Variants in RNF115 observed in about 807,000 individuals in gnomAD.
The protein encoded by RNF115 is E3 ubiquitin-protein ligase RNF115.
A neutral mutation model predicts 39.2 loss-of-function variants in RNF115; 31 were observed. The observed-to-expected ratio is 0.79, with a 90% CI of 0.59 to 1.07. The LOEUF (loss-of-function observed/expected upper bound fraction) is 1.07. RNF115 is among the 50% of genes least tolerant of loss of function. The pLI, the probability that RNF115 is intolerant of heterozygous loss-of-function variation, is 0.00. For synonymous variants in RNF115, 124 were observed against 131.0 expected, an observed-to-expected ratio of 0.95 and a Z score of 0.37; for missense variants, 384 against 381.7, an observed-to-expected ratio of 1.01 and a Z score of -0.05.
At chr1:145,792,255 A>G (rs1028919886) in intron 1 of RNF115, among the ~76,000 whole-genome samples, 1 of 152,048 alleles carries the variant, frequency 6.6e-6, no homozygotes, top group East Asian at 1.9e-4. Context: ...CTGAACCCTA[A>G]ATTTTGTTTT....
chr1:145,759,067 G>C (rs587718276), intron 4 of RNF115, among the ~76,000 whole-genome samples: 1 of 152,280 alleles, frequency 6.6e-6, no homozygotes, highest in South Asian at 2.1e-4. Flanking sequence ...ATAGTTTCCA[G>C]AGCTGTAGCC....
Position 145,751,481 on chromosome 1 carries a change from T to C in RNF115, c.530A>G (p.Asp177Gly), listed in dbSNP as rs1553712472. 1 of 1,597,454 alleles carries C rather than the reference T, an allele frequency of 6.3e-7. No homozygotes were observed. Among genetic ancestry groups the C allele is most frequent in the East Asian group, 2.3e-5 (1 of 44,444 alleles). Reference protein sequence around the residue: ...WSGMLHSNPGDYAWGQTGLDA... With the variant: ...WSGMLHSNPGGYAWGQTGLDA... ...AAGCCCTGTCTGACCCCAGGCATAG[T>C]CCCCAGGGTTGGAGTGCAGCATCCC... The change falls in exon 6 of 9, where the codon GAC becomes GGC. Residue 177 changes from aspartate (D) to glycine (G), a missense_variant. By Grantham distance (94) the Asp-to-Gly change is moderately conservative (BLOSUM62 -1). Transcript: ENST00000582693.
chr1:145,819,426 T>C (rs1650136997), intron 1 of RNF115, among the ~76,000 whole-genome samples: 1 of 152,100 alleles, frequency 6.6e-6, no homozygotes, highest in Admixed American at 6.5e-5. Context: ...AACTCCAGTA[T>C]GGGCGACACA....
At chr1:145,790,774 C>T (rs1369485150) in intron 1 of RNF115, among the ~76,000 whole-genome samples, 4 of 151,894 alleles carry the variant, frequency 2.6e-5, no homozygotes, top group Non-Finnish European at 4.4e-5. Context: ...ATTTTTTCTT[C>T]AAATCTAACA....
At chr1:145,788,866 T>C in intron 2 of RNF115, 42 bp downstream of exon 2, 1 of 1,397,434 alleles carries the variant, frequency 7.2e-7, no homozygotes, top group East Asian at 2.3e-5. Context: ...AAAATAGTTT[T>C]GATAATAGAA....
At chr1:145,793,558 T>A (rs587772387) in intron 1 of RNF115, among the ~76,000 whole-genome samples, 6 of 152,204 alleles carry the variant, frequency 3.9e-5, no homozygotes, top group African/African-American at 1.4e-4. Context: ...TGTATCTCTA[T>A]CCCAGGCCAG....
intron 4 of RNF115, among the ~76,000 whole-genome samples, chr1:145,768,351 T>C (rs1266221776): frequency 1.3e-5 from 2 of 152,236 alleles, no homozygotes; most frequent in African/African-American, 4.8e-5. Flanking sequence ...GGTCTTGCTC[T>C]GTCGCCCAGG....
At position 145,823,984 on chromosome 1, in the gene RNF115, G is replaced by T; in HGVS notation, c.-111C>A. 1 of 748,002 alleles carries T rather than the reference G, an allele frequency of 1.3e-6. No individual in the cohort carries two copies. Among genetic ancestry groups the T allele is most frequent in the Admixed American group, 4.3e-5 (1 of 23,380 alleles). The allele number at this position is 748,002 out of a possible 1,614,324, so 46.3% of individuals were successfully genotyped here. ...CGCCGCCGCCTCGGTGCGGCCCACC[G>T]CTTCAGAGCCCGCGTCGGTCACGTG... On this transcript the variant is annotated 5_prime_UTR_variant, in exon 1 of 9. Transcript: ENST00000582693.
rs1650424086 is a variant in RNF115, at chr1:145,823,725, C to T, written c.102+47G>A. The T allele has an allele frequency of 2.9e-6, 4 of 1,382,264 alleles. No homozygotes were observed. In the African/African-American group the frequency reaches 4.5e-5, roughly 16 times the overall value. The allele number at this position is 1,382,264 out of a possible 1,614,324, so 85.6% of individuals were successfully genotyped here. ...CAGACCCAGTTCCGGGAAATCGGGG[C>T]CAGGAATCTATGAGGTTCCCAAGTA... On this transcript the variant is annotated intron_variant, in intron 1 of 8. Coordinates refer to ENST00000582693, the MANE Select transcript of RNF115 (RefSeq NM_014455.4).
rs1244944681 is a variant in RNF115 at position 145,740,047 on chromosome 1, C to T, written c.*6819G>A. 6.6e-6 allele frequency: 1 copy of T among 152,230 alleles called. No individual in the cohort carries two copies. Among genetic ancestry groups the T allele is most frequent in the Non-Finnish European group, 1.5e-5 (1 of 68,048 alleles). 9.4% of individuals were successfully genotyped at this position (152,230 alleles called of 1,614,324 possible). A position where few individuals can be genotyped will look rare whatever the true frequency, so the allele number is the denominator to read the frequency against. ...TCCAAAGTCTCCAAAGCTTTCTCCA[C>T]TACATCACATTCATCTTAATCTTTC... On this transcript the variant is annotated 3_prime_UTR_variant, in exon 9 of 9. Transcript: ENST00000582693.
chr1:145,808,093 AT>A (rs2101598965), intron 1 of RNF115, among the ~76,000 whole-genome samples: 1 of 152,134 alleles, frequency 6.6e-6, no homozygotes, highest in South Asian at 2.1e-4. Flanking sequence ...TTATCCATTC[AT>A]CCACTGATGG....
chr1:145,742,156 T>C lies in RNF115; in HGVS notation c.*4710A>G, dbSNP rs1657709800. The C allele has an allele frequency of 6.6e-6, 1 of 152,092 alleles. No homozygotes were observed. The highest frequency in any genetic ancestry group is 1.5e-5 in the Non-Finnish European group (1 of 67,992). 9.4% of individuals were successfully genotyped at this position (152,092 alleles called of 1,614,324 possible). On this transcript the variant is annotated 3_prime_UTR_variant, in exon 9 of 9. Coordinates refer to ENST00000582693, the MANE Select transcript of RNF115 (RefSeq NM_014455.4). The stretch of plus-strand genomic sequence containing the variant: ...CACTTCTTAAACCCCAAAGCTGTTT[T>C]GTTGTTGTTGTCATTTAAAACAGAC...
Position 145,742,343 on chromosome 1 carries a change from A to G in RNF115, c.*4523T>C, listed in dbSNP as rs1553711084. 6.6e-6 allele frequency: 1 copy of G among 152,220 alleles called. No individual in the cohort carries two copies. Among genetic ancestry groups the G allele is most frequent in the Non-Finnish European group, 1.5e-5 (1 of 68,034 alleles). 9.4% of individuals were successfully genotyped at this position (152,220 alleles called of 1,614,324 possible). A position where few individuals can be genotyped will look rare whatever the true frequency, so the allele number is the denominator to read the frequency against. On this transcript the variant is annotated 3_prime_UTR_variant, in exon 9 of 9. Coordinates refer to ENST00000582693, the MANE Select transcript of RNF115 (RefSeq NM_014455.4). ...TTGTCAGAAAAATTAAAAAAAATCA[A>G]TAGATAACCGTATTGTAGTTCAACT...
intron 1 of RNF115, among the ~76,000 whole-genome samples, chr1:145,795,641 C>A (rs1553719876): frequency 3.3e-5 from 5 of 152,126 alleles, no homozygotes; most frequent in African/African-American, 7.2e-5. Context: ...TTCTAGGAAC[C>A]AGGCTGTCAA....
At chr1:145,791,604 T>C (rs1290433497) in intron 1 of RNF115, among the ~76,000 whole-genome samples, 1 of 152,118 alleles carries the variant, frequency 6.6e-6, no homozygotes, top group African/African-American at 2.4e-5. Context: ...ACAATATTTC[T>C]ATTCTATCTT....
chr1:145,820,652 C>T (rs1352364374), intron 1 of RNF115, among the ~76,000 whole-genome samples: 1 of 152,162 alleles, frequency 6.6e-6, no homozygotes, highest in African/African-American at 2.4e-5. Context: ...AGGAGAACTG[C>T]TTGAACCCAG....
At chr1:145,795,006 G>A (rs1445691049) in intron 1 of RNF115, among the ~76,000 whole-genome samples, 1 of 123,814 alleles carries the variant, frequency 8.1e-6, no homozygotes, top group Admixed American at 1.0e-4. Context: ...GACAGAGCGA[G>A]ACTCCATTTC....
Position 145,751,447 on chromosome 1 carries a change from A to T in RNF115, c.564T>A (p.Ile188=). The T allele has an allele frequency of 6.3e-7, 1 of 1,584,730 alleles. No individual in the cohort carries two copies. The highest frequency in any genetic ancestry group is 1.3e-5 in the African/African-American group (1 of 74,562). Residue 188 remains isoleucine (I), a synonymous_variant, in exon 6 of 9, where the codon ATT becomes ATA. Coordinates refer to ENST00000582693, the MANE Select transcript of RNF115 (RefSeq NM_014455.4). ...YAWGQTGLDA[I]VTQLLGQLEN... ...AAAGGCAGCTCCTCACCTGGGTTAC[A>T]ATGGCATCAAGCCCTGTCTGACCCC... is the stretch of plus-strand genomic sequence containing the variant.
chr1:145,795,974 A>G (rs968184324), intron 1 of RNF115, among the ~76,000 whole-genome samples: 26 of 152,220 alleles, frequency 1.7e-4, no homozygotes, highest in Non-Finnish European at 3.5e-4. Context: ...CTAATTATCA[A>G]AGTAAAAAAT....
Sources: allele counts gnomAD v4.1 joint callset (sites outside exome capture counted in the v4.1 genomes callset), GRCh38; gene constraint gnomAD v4.1.1; transcripts MANE v1.5; gene names NCBI Gene and HGNC (gene_info 2026-07-23, HGNC 2026-07-21).